The following DYNC2H1 variants were observed in gnomAD, a reference collection of about 807,000 sequenced individuals.
The protein encoded by DYNC2H1 is cytoplasmic dynein 2 heavy chain 1.
DYNC2H1 carries 410 observed loss-of-function variants against 570.0 expected under a neutral mutation model. The ratio of observed to expected loss-of-function variants is 0.72; its 90% CI spans 0.66 to 0.78. The LOEUF (loss-of-function observed/expected upper bound fraction) is 0.78. Among genes scored for constraint, DYNC2H1 ranks in the 30% least tolerant of loss-of-function variants. The pLI, the probability that DYNC2H1 is intolerant of heterozygous loss-of-function variation, is 0.00. For missense variants in DYNC2H1, 4,865 were observed against 5,046.4 expected (o/e 0.96, Z 1.09); for synonymous variants, 1,688 against 1,677.6 (o/e 1.01, Z -0.15).
intron 83 of DYNC2H1, among the ~76,000 whole-genome samples, chr11:103,359,807 G>A (rs1237962320): frequency 6.6e-6 from 1 of 151,924 alleles, no homozygotes; most frequent in East Asian, 1.9e-4. Flanking sequence ...TGGGACTACA[G>A]GTGCACACTA....
chr11:103,325,846 G>A lies in DYNC2H1; in HGVS notation c.12039+1856G>A, dbSNP rs1938440100. On this transcript the variant is annotated intron_variant, in intron 82 of 88. Coordinates refer to ENST00000375735, the MANE Select transcript of DYNC2H1 (RefSeq NM_001377.3). The surrounding 1 kb of genome is among the most constrained non-coding windows in gnomAD (Gnocchi z 4.8). ...CATTTCAGACATTTCAGTCTCATTA[G>A]GGACCGTTGCTGGTGGGCGGGGGAT... Among the ~76,000 whole-genome samples, 3 of 152,136 alleles carry A rather than the reference G, an allele frequency of 2.0e-5. No individual in the cohort carries two copies. Among genetic ancestry groups the A allele is most frequent in the Admixed American group, 2.0e-4 (3 of 15,282 alleles).
Position 103,299,685 on chromosome 11 carries a change from G to A in DYNC2H1, c.11096-3408G>A, listed in dbSNP as rs1292426353. 6.6e-6 allele frequency among the ~76,000 whole-genome samples: 1 copy of A among 151,972 alleles called. No individual in the cohort carries two copies. The highest frequency in any genetic ancestry group is 1.5e-5 in the Non-Finnish European group (1 of 67,984). ...AAGAGAAACTGCTCCGCTTTCAAGG[G>A]GTCAATTGATTAGCTTGGCCCACCT... On this transcript the variant is annotated intron_variant, in intron 75 of 88. Coordinates refer to ENST00000375735, the MANE Select transcript of DYNC2H1 (RefSeq NM_001377.3). This position sits in a 1 kb window ranked among gnomAD's most constrained non-coding sequence, Gnocchi z 4.5.
At position 103,244,536 on chromosome 11, in the gene DYNC2H1, C is replaced by T. The variant is rs1864534999; in HGVS notation, c.9919-715C>T. 6.7e-6 allele frequency among the ~76,000 whole-genome samples: 1 copy of T among 148,938 alleles called. No homozygotes were observed. Among genetic ancestry groups the T allele is most frequent in the African/African-American group, 2.4e-5 (1 of 40,928 alleles). ...TACTTTAATAATCATTTATGGCTTG[C>T]ATATATGCAAATCATTTATGGTTTG... On this transcript the variant is annotated intron_variant, in intron 64 of 88. Transcript: ENST00000375735. The surrounding 1 kb of genome is among the most constrained non-coding windows in gnomAD (Gnocchi z 4.3).
intron 82 of DYNC2H1, among the ~76,000 whole-genome samples, chr11:103,339,911 T>G (rs1325723510): frequency 6.6e-6 from 1 of 152,202 alleles, no homozygotes; most frequent in African/African-American, 2.4e-5. Context: ...CTGGCAGAAT[T>G]CTGTCCAGTG....
At position 103,222,076 on chromosome 11, in the gene DYNC2H1, G is replaced by A; in HGVS notation, c.9154G>A (p.Ala3052Thr). The change falls in exon 58 of 89, where the codon GCC becomes ACC. Residue 3052 changes from alanine (A) to threonine (T), a missense_variant. Ala to Thr is a moderately conservative substitution (Grantham distance 58, BLOSUM62 0). Around this residue, in one of 5 missense-constraint regions of DYNC2H1, gnomAD observed 2,401 missense variants for 2,454.6 expected, o/e 0.98. Coordinates refer to ENST00000375735, the MANE Select transcript of DYNC2H1 (RefSeq NM_001377.3). The stretch of plus-strand genomic sequence containing the variant: ...AAGAGAAGACATAGCAACCTTTGAT[G>A]CCCGAAATATTTCAAAGGAAATAAG... ...GVREDIATFDARNISKEIRES... is the reference protein window; with the variant it reads ...GVREDIATFDTRNISKEIRES... 6.2e-7 allele frequency: 1 copy of A among 1,610,778 alleles called. No individual in the cohort carries two copies. Among genetic ancestry groups the A allele is most frequent in the Non-Finnish European group, 8.5e-7 (1 of 1,178,070 alleles).
intron 17 of DYNC2H1, among the ~76,000 whole-genome samples, chr11:103,138,649 A>T (rs1267787713): frequency 6.6e-6 from 1 of 152,206 alleles, no homozygotes; most frequent in East Asian, 1.9e-4. Flanking sequence ...ATCGATGTTC[A>T]TCAAGGATAT....
rs544003541 is a variant in DYNC2H1, at chr11:103,129,450, G to C, written c.1953+445G>C. 2.4e-4 allele frequency among the ~76,000 whole-genome samples: 37 copies of C among 152,320 alleles called. No individual in the cohort carries two copies. Among genetic ancestry groups the C allele is most frequent in the African/African-American group, 7.9e-4 (33 of 41,572 alleles). On this transcript the variant is annotated intron_variant, in intron 13 of 88. Transcript: ENST00000375735. This position sits in a 1 kb window ranked among gnomAD's most constrained non-coding sequence, Gnocchi z 4.1. Reference sequence around the variant, plus strand: ...GTCATCCCAGCACTTTCGAGGCCGAGGCGGGTGGATCACCTGACATCAGGG... The same window carrying C: ...GTCATCCCAGCACTTTCGAGGCCGACGCGGGTGGATCACCTGACATCAGGG...
chr11:103,191,029 T>TA (rs201918481), intron 45 of DYNC2H1, among the ~76,000 whole-genome samples: 1,942 of 103,642 alleles, frequency 0.019, 53 homozygotes, highest in African/African-American at 0.066. Context: ...TATATATATA[T>TA]TTTTTTTCTT....
chr11:103,291,191 A>C (rs1866581641), intron 75 of DYNC2H1, among the ~76,000 whole-genome samples: 1 of 152,196 alleles, frequency 6.6e-6, no homozygotes, highest in African/African-American at 2.4e-5. Flanking sequence ...TAATTCCAGC[A>C]CTTTGGGAGG....
At position 103,152,204 on chromosome 11, in the gene DYNC2H1, A is replaced by G. The variant is rs201310509; in HGVS notation, c.3015A>G (p.Leu1005=). 650 of 1,609,220 alleles carry G rather than the reference A, an allele frequency of 4.0e-4. 1 individual carries two copies. Among genetic ancestry groups the G allele is most frequent in the African/African-American group, 3.1e-3 (229 of 74,726 alleles). Residue 1005 remains leucine, a synonymous_variant, in exon 21 of 89, where the codon TTA becomes TTG. Coordinates refer to ENST00000375735, the MANE Select transcript of DYNC2H1 (RefSeq NM_001377.3). ...RLLRTVAGGG[L]ETISNLKAKW... is the part of the protein sequence containing the mutation. ...TACGAACTGTGGCTGGTGGAGGTTT[A>G]GAAACAATTAGTAATTTGAAAGCCA...
chr11:103,117,486 G>A (rs1858470017), intron 5 of DYNC2H1, 145 bp from the exon 6 acceptor site: 2 of 603,350 alleles, frequency 3.3e-6, no homozygotes, highest in Non-Finnish European at 5.4e-6. Flanking sequence ...GAGAGTGGTA[G>A]TCTAAGGACA....
intron 84 of DYNC2H1, among the ~76,000 whole-genome samples, chr11:103,401,581 C>T (rs1318007329): frequency 6.6e-6 from 1 of 151,988 alleles, no homozygotes; most frequent in African/African-American, 2.4e-5. Flanking sequence ...AATATGTCTG[C>T]CTGTTTGAGT....
At chr11:103,380,382 A>G (rs1478429695) in intron 83 of DYNC2H1, among the ~76,000 whole-genome samples, 1 of 152,208 alleles carries the variant, frequency 6.6e-6, no homozygotes, top group Admixed American at 6.5e-5. Flanking sequence ...AATATGCAAT[A>G]GGTACTATAT....
At chr11:103,413,710 C>G (rs963433499) in intron 84 of DYNC2H1, among the ~76,000 whole-genome samples, 1 of 152,216 alleles carries the variant, frequency 6.6e-6, no homozygotes, top group South Asian at 2.1e-4. Context: ...TCTGCCTACT[C>G]CCTCATCTAT....
At chr11:103,247,966 C>G (rs1311730425) in intron 65 of DYNC2H1, among the ~76,000 whole-genome samples, 1 of 152,040 alleles carries the variant, frequency 6.6e-6, no homozygotes, top group African/African-American at 2.4e-5. Flanking sequence ...CCAAAGGTGC[C>G]TCTTGCAAGG....
intron 63 of DYNC2H1, among the ~76,000 whole-genome samples, chr11:103,242,040 T>C (rs538880656): frequency 6.6e-6 from 1 of 152,056 alleles, no homozygotes; most frequent in Non-Finnish European, 1.5e-5. Flanking sequence ...TTATTAGATA[T>C]ACAGTGTTCC....
rs750846022 is a variant in DYNC2H1 at position 103,109,807 on chromosome 11, T to C, written c.195+38T>C. On this transcript the variant is annotated intron_variant, in intron 1 of 88. Transcript: ENST00000375735. ...GCACTCCTGCCTGACCCCTGACCAC[T>C]CTTCAAGTCCCCAGGCCCAGCCAGA... 13 of 1,580,474 alleles carry C rather than the reference T, an allele frequency of 8.2e-6. No homozygotes were observed. In the East Asian group the frequency reaches 2.9e-4, roughly 36 times the overall value.
chr11:103,226,167 G>A (rs1238182165), intron 59 of DYNC2H1, among the ~76,000 whole-genome samples: 1 of 152,146 alleles, frequency 6.6e-6, no homozygotes, highest in East Asian at 1.9e-4. Context: ...AACACTGGCA[G>A]TTTAGCTTCC....
intron 83 of DYNC2H1, among the ~76,000 whole-genome samples, chr11:103,386,547 C>T (rs61896838): frequency 0.18 from 27,099 of 151,780 alleles, 2,596 homozygotes; most frequent in Admixed American, 0.26. Context: ...ATGTGCACAG[C>T]GTGCAGGTTT....
Sources: gnomAD v4.1 joint callset for allele counts (sites outside exome capture counted in the v4.1 genomes callset) on GRCh38, gnomAD v4.1.1 for gene constraint, gnomAD v4.1.1 regional missense constraint, Gnocchi (gnomAD v3.1) non-coding constraint, MANE v1.5 for transcripts, NCBI Gene and HGNC (gene_info 2026-07-23, HGNC 2026-07-21) for gene names.